Variants in CPLANE1 observed in about 807,000 individuals in gnomAD.
CPLANE1 encodes the protein ciliogenesis and planar polarity effector 1.
In CPLANE1, 263 loss-of-function variants were observed where a neutral mutation model predicts 362.5. That is an observed-to-expected ratio of 0.73 (90% CI 0.66 to 0.80). The LOEUF (loss-of-function observed/expected upper bound fraction) is 0.80. Ranked by LOEUF, CPLANE1 falls within the 30% of genes least tolerant of loss-of-function variation. The pLI is 0.00. For synonymous variants in CPLANE1, 1,212 were observed against 1,302.6 expected (o/e 0.93, Z 1.50); for missense variants, 3,461 against 3,793.4 (o/e 0.91, Z 2.30).
chr5:37,152,002 T>C (rs796606017), intron 42 of CPLANE1, among the ~76,000 whole-genome samples: 9 of 152,338 alleles, frequency 5.9e-5, no homozygotes, highest in South Asian at 2.1e-4. Flanking sequence ...ATATGCTTAA[T>C]CTTTATTTTT....
chr5:37,089,441 G>C, the CPLANE1 span, among the ~76,000 whole-genome samples: 1 of 152,100 alleles, frequency 6.6e-6, no homozygotes, highest in Non-Finnish European at 1.5e-5. Flanking sequence ...CTCAAGATCC[G>C]ATTTGGGTAG....
At chr5:37,191,451 G>A (rs947754283) in intron 21 of CPLANE1, among the ~76,000 whole-genome samples, 1 of 152,074 alleles carries the variant, frequency 6.6e-6, no homozygotes, top group Non-Finnish European at 1.5e-5. Context: ...CAGGTGGATC[G>A]CTTGAGCTCA....
chr5:37,129,927 A>G (rs186009769), intron 46 of CPLANE1, among the ~76,000 whole-genome samples: 113 of 152,354 alleles, frequency 7.4e-4, no homozygotes, highest in Admixed American at 1.6e-3. Context: ...CATTATATGA[A>G]AAAGATACTT....
chr5:37,249,298 G>C lies in CPLANE1; in HGVS notation c.-101C>G, dbSNP rs1361647773. The C allele has an allele frequency of 6.6e-6, 1 of 152,338 alleles. No individual in the cohort carries two copies. The highest frequency in any genetic ancestry group is 2.4e-5 in the African/African-American group (1 of 41,470). The allele number at this position is 152,338 out of a possible 1,614,324, so 9.4% of individuals were successfully genotyped here. On this transcript the variant is annotated 5_prime_UTR_variant, in exon 1 of 53. Coordinates refer to ENST00000651892, the MANE Select transcript of CPLANE1 (RefSeq NM_001384732.1). The stretch of plus-strand genomic sequence containing the variant: ...AGGCGCGAGAAGGCTAGGCGAGGCC[G>C]ACTGCGCGGGGTGAAGACGCCAGGC...
rs1788307618 is a variant in CPLANE1 at position 37,198,820 on chromosome 5, T to A, written c.3554A>T (p.Gln1185Leu). 2 of 1,614,050 alleles carry A rather than the reference T, an allele frequency of 1.2e-6. No homozygotes were observed. The highest frequency in any genetic ancestry group is 2.7e-5 in the African/African-American group (2 of 74,924). ...ACGCTGAAGGATTCCAGATACCTTC[T>A]GGCGATTATTTTTTTCAGCTTTTAA... ...LLLKAEKNNR[Q>L]KVSGILQRVL... The change falls in exon 20 of 53, where the codon CAG becomes CTG. Residue 1185 changes from glutamine to leucine, a missense_variant. Gln to Leu is a moderately radical substitution (Grantham distance 113). Around this residue, in one of 2 missense-constraint regions of CPLANE1, gnomAD observed 3,380 missense variants for 3,666.1 expected, o/e 0.92. Transcript: ENST00000651892.
In CPLANE1 at chr5:37,165,644, C is replaced by A. The variant is rs145750519; in HGVS notation, c.7428G>T (p.Leu2476=). Residue 2476 remains leucine, a synonymous_variant, in exon 36 of 53, where the codon CTG becomes CTT. Coordinates refer to ENST00000651892, the MANE Select transcript of CPLANE1 (RefSeq NM_001384732.1). ...KRQRRRAEKE[L]QEKRCEKLRR... ...TCAGTTTCTCACATCTTTTTTCTTG[C>A]AGCTCTTTCTCAGCTCTTCTTCTTT... 5 of 1,610,710 alleles carry A rather than the reference C, an allele frequency of 3.1e-6. No individual in the cohort carries two copies. Among genetic ancestry groups the A allele is most frequent in the African/African-American group, 1.3e-5 (1 of 74,636 alleles).
intron 31 of CPLANE1, 45 bp from the exon 32 acceptor site, chr5:37,173,992 A>C: frequency 6.7e-7 from 1 of 1,497,800 alleles, no homozygotes. Context: ...TAAAATTGAC[A>C]AAAAACAAAT....
At chr5:37,130,110 T>C (rs984362569) in intron 46 of CPLANE1, among the ~76,000 whole-genome samples, 6 of 152,288 alleles carry the variant, frequency 3.9e-5, no homozygotes, top group Non-Finnish European at 5.9e-5. Context: ...CTGGATGGAA[T>C]TGGAGACCAT....
chr5:37,241,528 C>A (rs1235505432), intron 6 of CPLANE1, among the ~76,000 whole-genome samples: 4 of 152,058 alleles, frequency 2.6e-5, no homozygotes, highest in African/African-American at 9.7e-5. Context: ...GGGATAGTAT[C>A]AATGTTCTAT....
chr5:37,083,863 A>C, the CPLANE1 span, among the ~76,000 whole-genome samples: 1 of 152,244 alleles, frequency 6.6e-6, no homozygotes, highest in Admixed American at 6.5e-5. Flanking sequence ...ATTTGGGGGA[A>C]TAATCGAGGA....
At chr5:37,100,612 C>T in the CPLANE1 span, among the ~76,000 whole-genome samples, 1 of 152,086 alleles carries the variant, frequency 6.6e-6, no homozygotes, top group Non-Finnish European at 1.5e-5. Context: ...CTTGTTGTTC[C>T]ATATGAATTT....
At chr5:37,152,270 G>A (rs1181429497) in intron 42 of CPLANE1, among the ~76,000 whole-genome samples, 1 of 151,996 alleles carries the variant, frequency 6.6e-6, no homozygotes, top group Non-Finnish European at 1.5e-5. Flanking sequence ...TTGAACTCGT[G>A]AGCGCAAGTG....
intron 46 of CPLANE1, among the ~76,000 whole-genome samples, chr5:37,133,528 G>A (rs772946329): frequency 6.6e-6 from 1 of 151,770 alleles, no homozygotes; most frequent in Non-Finnish European, 1.5e-5. Context: ...GTGTATGTGT[G>A]TGTGTCTGTT....
chr5:37,118,860 C>A (rs1450652086), intron 50 of CPLANE1, among the ~76,000 whole-genome samples: 1 of 151,920 alleles, frequency 6.6e-6, no homozygotes, highest in Non-Finnish European at 1.5e-5. Flanking sequence ...ACTACAGGCG[C>A]ACACCACCAC....
chr5:37,116,247 G>A (rs1213029836), intron 50 of CPLANE1, among the ~76,000 whole-genome samples: 3 of 152,182 alleles, frequency 2.0e-5, no homozygotes, highest in East Asian at 3.9e-4. Context: ...CACTCTGGGA[G>A]GCCAAAGCTG....
intron 47 of CPLANE1, among the ~76,000 whole-genome samples, chr5:37,122,726 C>A (rs1447693925): frequency 1.3e-5 from 2 of 152,148 alleles, no homozygotes; most frequent in Non-Finnish European, 2.9e-5. Context: ...CCAGCCTGGC[C>A]AACATGGTGA....
At position 37,119,127 on chromosome 5, in the gene CPLANE1, T is replaced by C. The variant is rs564414482; in HGVS notation, c.9310+1089A>G. On this transcript the variant is annotated intron_variant, in intron 50 of 52. Coordinates refer to ENST00000651892, the MANE Select transcript of CPLANE1 (RefSeq NM_001384732.1). ...TTTACTTAAGTAATCAAAACTCAAA[T>C]ATGGCACAATTAAAGAAAGGTGTAA... 2.6e-5 allele frequency among the ~76,000 whole-genome samples: 4 copies of C among 152,256 alleles called. No individual in the cohort carries two copies. The South Asian group carries it at 8.3e-4, about 32-fold the overall frequency.
chr5:37,129,620 A>C (rs1765195108), intron 46 of CPLANE1, among the ~76,000 whole-genome samples: 2 of 152,244 alleles, frequency 1.3e-5, no homozygotes, highest in Non-Finnish European at 2.9e-5. Flanking sequence ...GGAGATATAC[A>C]AATGGCCAAC....
intron 19 of CPLANE1, among the ~76,000 whole-genome samples, chr5:37,200,468 A>G (rs1188155885): frequency 5.9e-5 from 9 of 152,220 alleles, no homozygotes; most frequent in Non-Finnish European, 1.5e-5. Context: ...TGGACTTTTT[A>G]TTCCTTCCAT....
Sources: gnomAD v4.1 joint callset for allele counts (sites outside exome capture counted in the v4.1 genomes callset) on GRCh38, gnomAD v4.1.1 for gene constraint, gnomAD v4.1.1 regional missense constraint, MANE v1.5 for transcripts, NCBI Gene and HGNC (gene_info 2026-07-23, HGNC 2026-07-21) for gene names.